CACNB4: variants seen among roughly 807,000 people sequenced by gnomAD.
The protein encoded by CACNB4 is calcium voltage-gated channel auxiliary subunit beta 4, also known as voltage-dependent L-type calcium channel subunit beta-4.
In CACNB4, 32 loss-of-function variants were observed where a neutral mutation model predicts 71.2. The observed-to-expected ratio is 0.45, with a 90% CI of 0.34 to 0.60. CACNB4 has a LOEUF of 0.60. Ranked by LOEUF, CACNB4 falls within the 20% of genes least tolerant of loss-of-function variation. The pLI, the probability that CACNB4 is intolerant of heterozygous loss-of-function variation, is 0.01. For synonymous variants in CACNB4, 231 were observed against 236.9 expected, an observed-to-expected ratio of 0.97 and a Z score of 0.23; for missense variants, 464 against 647.9, an observed-to-expected ratio of 0.72 and a Z score of 3.08.
chr2:152,017,753 A>G (rs899207141), intron 2 of CACNB4, among the ~76,000 whole-genome samples: 1 of 152,076 alleles, frequency 6.6e-6, no homozygotes, highest in African/African-American at 2.4e-5. Flanking sequence ...AAGTCCTAAA[A>G]CAATAAAGCT....
Position 151,932,824 on chromosome 2 carries a change from TA to T in CACNB4, c.148-49455del, listed in dbSNP as rs34714238. 4.8e-3 allele frequency among the ~76,000 whole-genome samples: 336 copies of T among 69,874 alleles called. 1 individual carries two copies. The highest frequency in any genetic ancestry group is 0.014 in the Middle Eastern group (1 of 72). The allele number at this position is 69,874 out of a possible 152,430, so 45.8% of individuals were successfully genotyped here. ...CAGCCTGGGCAACAGAGACTGGATC[TA>T]AAAAAAAAAAAAAAAAAAAGGTGGG... On this transcript the variant is annotated intron_variant, in intron 2 of 13. Coordinates refer to ENST00000539935, the MANE Select transcript of CACNB4 (RefSeq NM_000726.5).
chr2:151,963,091 T>A (rs1245120377), intron 2 of CACNB4, among the ~76,000 whole-genome samples: 1 of 151,986 alleles, frequency 6.6e-6, no homozygotes, highest in Non-Finnish European at 1.5e-5. Context: ...TGCGGGCAGA[T>A]CACAAGGTCA....
chr2:152,027,290 T>C (rs1241263368), intron 2 of CACNB4, among the ~76,000 whole-genome samples: 6 of 152,264 alleles, frequency 3.9e-5, no homozygotes, highest in African/African-American at 1.4e-4. Context: ...CTCCTTTGTA[T>C]TGTTTCAGCA....
chr2:151,960,679 G>T (rs7558481), intron 2 of CACNB4, among the ~76,000 whole-genome samples: 2 of 152,028 alleles, frequency 1.3e-5, no homozygotes, highest in Admixed American at 6.5e-5. Flanking sequence ...CACCAGTCAA[G>T]GGTTAGTGCT....
intron 2 of CACNB4, among the ~76,000 whole-genome samples, chr2:151,960,901 A>G (rs2099869487): frequency 1.3e-5 from 2 of 152,244 alleles, no homozygotes; most frequent in South Asian, 4.1e-4. Context: ...AAATGTGCAC[A>G]TATCATACAT....
chr2:151,881,196 C>A (rs2099847734), intron 3 of CACNB4, among the ~76,000 whole-genome samples: 1 of 151,658 alleles, frequency 6.6e-6, no homozygotes, highest in Non-Finnish European at 1.5e-5. Flanking sequence ...TAGACAAAGG[C>A]AGGGGAGGAC....
chr2:151,935,805 G>A (rs1456688642), intron 2 of CACNB4, among the ~76,000 whole-genome samples: 4 of 152,158 alleles, frequency 2.6e-5, no homozygotes, highest in South Asian at 2.1e-4. Context: ...CTTCAAGATC[G>A]GATGTGTTCT....
Position 151,869,240 on chromosome 2 carries a change from G to A in CACNB4, c.700-5C>T. ...TTTCTGCATCATGTCTGTTACCTTT[G>A]CAGAGGTGAGAAAAAAAGAATGAGG... On this transcript the variant is annotated splice_polypyrimidine_tract_variant and splice_region_variant and intron_variant, in intron 8 of 13. Coordinates refer to ENST00000539935, the MANE Select transcript of CACNB4 (RefSeq NM_000726.5). 6.5e-7 allele frequency: 1 copy of A among 1,547,170 alleles called. No individual in the cohort carries two copies. Among genetic ancestry groups the A allele is most frequent in the South Asian group, 1.2e-5 (1 of 84,374 alleles).
rs532393455 is a variant in CACNB4 at position 152,029,262 on chromosome 2, A to G, written c.147+69068T>C. 9.2e-5 allele frequency among the ~76,000 whole-genome samples: 14 copies of G among 152,122 alleles called. No homozygotes were observed. In the South Asian group the frequency reaches 2.9e-3, roughly 32 times the overall value. On this transcript the variant is annotated intron_variant, in intron 2 of 13. Coordinates refer to ENST00000539935, the MANE Select transcript of CACNB4 (RefSeq NM_000726.5). ...GTAATCCCAGCACTTTGGGAGGCTG[A>G]GGTGGGCGGATCACGAGGTCAGGAG...
chr2:152,037,600 G>A (rs1684662136), intron 2 of CACNB4, among the ~76,000 whole-genome samples: 1 of 152,192 alleles, frequency 6.6e-6, no homozygotes, highest in Admixed American at 6.5e-5. Context: ...GTGACCTTCT[G>A]ACTCCCAGTG....
chr2:152,019,655 C>CA (rs1683548290), intron 2 of CACNB4, among the ~76,000 whole-genome samples: 2 of 152,026 alleles, frequency 1.3e-5, no homozygotes, highest in African/African-American at 4.8e-5. Flanking sequence ...GATATCTCCC[C>CA]AAAAAATGGA....
intron 2 of CACNB4, among the ~76,000 whole-genome samples, chr2:151,989,699 T>C (rs577899177): frequency 3.3e-5 from 5 of 152,200 alleles, no homozygotes; most frequent in Non-Finnish European, 7.3e-5. Flanking sequence ...AGGTCTGAAG[T>C]TCAACAACCA....
At chr2:151,919,824 A>C (rs776201950) in intron 2 of CACNB4, among the ~76,000 whole-genome samples, 4 of 152,212 alleles carry the variant, frequency 2.6e-5, no homozygotes, top group African/African-American at 9.7e-5. Context: ...GTATGACTTA[A>C]GTGCAAGTTT....
chr2:152,094,195 G>A (rs887735547), intron 2 of CACNB4, among the ~76,000 whole-genome samples: 1 of 152,198 alleles, frequency 6.6e-6, no homozygotes, highest in South Asian at 2.1e-4. Flanking sequence ...GACTTTATCA[G>A]GAAGGTTAGA....
At position 151,846,952 on chromosome 2, in the gene CACNB4, C is replaced by T. The variant is rs140706728; in HGVS notation, c.1117-4864G>A. 1.6e-4 allele frequency among the ~76,000 whole-genome samples: 24 copies of T among 152,090 alleles called. No individual in the cohort carries two copies. In the East Asian group the frequency reaches 2.1e-3, roughly 13 times the overall value. The stretch of plus-strand genomic sequence containing the variant: ...GCATATAATAATAATTATAATGATA[C>T]GCATTGCTTTACATTTATTTGTTGT... On this transcript the variant is annotated intron_variant, in intron 12 of 13. Transcript: ENST00000539935.
intron 2 of CACNB4, among the ~76,000 whole-genome samples, chr2:151,996,878 T>G (rs535469832): frequency 6.6e-6 from 1 of 152,144 alleles, no homozygotes; most frequent in African/African-American, 2.4e-5. Context: ...CAGGAAAGGC[T>G]CAAGAGAAGC....
chr2:152,032,523 A>T (rs1684341632), intron 2 of CACNB4, among the ~76,000 whole-genome samples: 1 of 152,188 alleles, frequency 6.6e-6, no homozygotes, highest in East Asian at 1.9e-4. Flanking sequence ...ACAAATAGAG[A>T]CTATGGTTTA....
At chr2:151,939,648 A>G (rs2099863763) in intron 2 of CACNB4, among the ~76,000 whole-genome samples, 1 of 152,152 alleles carries the variant, frequency 6.6e-6, no homozygotes, top group South Asian at 2.1e-4. Context: ...TGCTGGAATG[A>G]GCCCACCAAA....
chr2:151,907,869 A>G (rs1297643899), intron 2 of CACNB4, among the ~76,000 whole-genome samples: 2 of 152,216 alleles, frequency 1.3e-5, no homozygotes, highest in African/African-American at 4.8e-5. Flanking sequence ...TATTTCAATC[A>G]GGTCAGCACA....
Sources: allele counts gnomAD v4.1 joint callset (sites outside exome capture counted in the v4.1 genomes callset), GRCh38; gene constraint gnomAD v4.1.1; transcripts MANE v1.5; gene names NCBI Gene and HGNC (gene_info 2026-07-23, HGNC 2026-07-21).